THBS2: variants seen among roughly 807,000 people sequenced by gnomAD.
THBS2 encodes the protein thrombospondin-2.
A neutral mutation model predicts 135.2 loss-of-function variants in THBS2; 47 were observed. The observed-to-expected ratio is 0.35, with a 90% CI of 0.28 to 0.44. THBS2 has a LOEUF of 0.44. Among genes scored for constraint, THBS2 ranks in the 20% least tolerant of loss-of-function variants. The pLI is 1.00. For synonymous variants in THBS2, 639 were observed against 633.8 expected, an observed-to-expected ratio of 1.01 and a Z score of -0.12; for missense variants, 1,288 against 1,603.1, an observed-to-expected ratio of 0.80 and a Z score of 3.36.
At chr6:169,243,339 G>A (rs576602252) in intron 4 of THBS2, among the ~76,000 whole-genome samples, 5 of 152,338 alleles carry the variant, frequency 3.3e-5, no homozygotes, top group East Asian at 1.9e-4. Flanking sequence ...TCAGGTCAGC[G>A]GGGCCTGCGC....
intron 10 of THBS2, 148 bp from the exon 11 acceptor site, chr6:169,233,165 C>G: frequency 8.2e-7 from 1 of 1,219,792 alleles, no homozygotes; most frequent in Non-Finnish European, 1.1e-6. Flanking sequence ...GGATGATCAT[C>G]AAGAGGCATC....
intron 9 of THBS2, among the ~76,000 whole-genome samples, chr6:169,236,823 G>GTCCACACTCACTCCCCA: frequency 1.1e-5 from 1 of 91,860 alleles, no homozygotes; most frequent in East Asian, 3.9e-4. Flanking sequence ...CTCACTCCCC[G>GTCCACACTCACTCCCCA]TCCACACTCA....
chr6:169,230,440 A>G (rs1449958978), intron 13 of THBS2, among the ~76,000 whole-genome samples: 1 of 152,138 alleles, frequency 6.6e-6, no homozygotes, highest in East Asian at 1.9e-4. Context: ...TGGAGCCCAG[A>G]GTTTCAGCAC....
intron 17 of THBS2, 63 bp from the exon 18 acceptor site, chr6:169,223,538 G>A: frequency 1.4e-6 from 2 of 1,460,460 alleles, no homozygotes; most frequent in Non-Finnish European, 1.9e-6. Context: ...GTGGTCGGTG[G>A]TTTGCCATTT....
chr6:169,242,669 C>CTCCCACCT (rs1349575723), intron 4 of THBS2, among the ~76,000 whole-genome samples: 23 of 31,286 alleles, frequency 7.4e-4, no homozygotes, highest in Admixed American at 1.2e-3. Context: ...CTTCCCACCA[C>CTCCCACCT]TCCCACCTTC....
Position 169,242,718 on chromosome 6 carries a change from TTCCCAC to T in THBS2, c.695-766_695-761del. ...TTCCCACCTTCCCACCACTCCCACC[TTCCCAC>T]CTTCCCACCTTCCCACCGCTCCCAC... is the stretch of plus-strand genomic sequence containing the variant. On this transcript the variant is annotated intron_variant, in intron 4 of 21. Transcript: ENST00000617924. Among the ~76,000 whole-genome samples, 4 of 61,410 alleles carry T rather than the reference TTCCCAC, an allele frequency of 6.5e-5. No homozygotes were observed. In the Admixed American group the frequency reaches 7.4e-4, roughly 11 times the overall value. The allele number at this position is 61,410 out of a possible 152,430, so 40.3% of individuals were successfully genotyped here.
intron 17 of THBS2, 31 bp from the exon 18 acceptor site, chr6:169,223,506 C>CAAA: frequency 6.3e-7 from 1 of 1,599,008 alleles, no homozygotes; most frequent in Non-Finnish European, 8.6e-7. Context: ...AAAACAAAAA[C>CAAA]AAAAACAAAG....
intron 9 of THBS2, among the ~76,000 whole-genome samples, chr6:169,236,943 G>A (rs969345839): frequency 6.6e-6 from 1 of 152,254 alleles, no homozygotes; most frequent in African/African-American, 2.4e-5. Context: ...ATGAAACGGG[G>A]CTATCTCAGA....
In THBS2 at chr6:169,237,389, G is replaced by A. The variant is rs908791350; in HGVS notation, c.1301-43C>T. 8 of 1,609,452 alleles carry A rather than the reference G, an allele frequency of 5.0e-6. No homozygotes were observed. In the South Asian group the frequency reaches 8.8e-5, roughly 18 times the overall value. The stretch of plus-strand genomic sequence containing the variant: ...GAGAGATCAGGCTGTGCCGCCTAGA[G>A]GGGTATTTGCCTGTAAGCGGTGTGC... On this transcript the variant is annotated intron_variant, in intron 8 of 21. Coordinates refer to ENST00000617924, the MANE Select transcript of THBS2 (RefSeq NM_003247.5).
At chr6:169,227,317 G>A (rs1258611694) in intron 15 of THBS2, among the ~76,000 whole-genome samples, 2 of 152,168 alleles carry the variant, frequency 1.3e-5, no homozygotes, top group African/African-American at 4.8e-5. Flanking sequence ...GGCACCCCAA[G>A]AGAAGGGATG....
chr6:169,220,420 C>G, intron 20 of THBS2, 83 bp from the exon 21 acceptor site: 2 of 1,518,502 alleles, frequency 1.3e-6, no homozygotes, highest in Non-Finnish European at 1.8e-6. Context: ...GGAAGGTTGG[C>G]TCCGGACACA....
chr6:169,237,421 A>G, intron 8 of THBS2, 75 bp from the exon 9 acceptor site: 1 of 1,577,160 alleles, frequency 6.3e-7, no homozygotes. Flanking sequence ...GTGCCTTATT[A>G]ACCGAGGAGC....
chr6:169,248,295 A>T, intron 3 of THBS2, 122 bp downstream of exon 3: 1 of 1,142,734 alleles, frequency 8.8e-7, no homozygotes, highest in Non-Finnish European at 1.2e-6. Context: ...CGGGATGTGC[A>T]GTGTGCTTCT....
chr6:169,231,316 G>A (rs1310452559), intron 13 of THBS2, among the ~76,000 whole-genome samples: 2 of 152,220 alleles, frequency 1.3e-5, no homozygotes, highest in Non-Finnish European at 2.9e-5. Context: ...TCAGGGCCAT[G>A]CAGCCACCAG....
rs1780778710 is a variant in THBS2, at chr6:169,252,177, C to T, written c.-22-1371G>A. ...GCCTCTGGGTCTGGGGCGCTTTCTA[C>T]TCTAACTGCCCGAGGCAGCTGCAGT... is the stretch of plus-strand genomic sequence containing the variant. On this transcript the variant is annotated intron_variant, in intron 1 of 21. Transcript: ENST00000617924. This position sits in a 1 kb window ranked among gnomAD's most constrained non-coding sequence, Gnocchi z 4.3. The T allele has an allele frequency of 6.6e-6, 1 of 152,208 alleles. No homozygotes were observed. The highest frequency in any genetic ancestry group is 2.1e-4 in the South Asian group (1 of 4,828). 9.4% of individuals were successfully genotyped at this position (152,208 alleles called of 1,614,324 possible). A position where few individuals can be genotyped will look rare whatever the true frequency, so the allele number is the denominator to read the frequency against.
At chr6:169,236,555 TATCCACACTCACTTCCC>T (rs1279489991) in intron 9 of THBS2, among the ~76,000 whole-genome samples, 2 of 70,082 alleles carry the variant, frequency 2.9e-5, no homozygotes, top group African/African-American at 1.1e-4. Flanking sequence ...ACACTCACTC[TATCCACACTCACTTCCC>T]ATCCACACTC....
chr6:169,223,944 T>G (rs976989446), intron 17 of THBS2, among the ~76,000 whole-genome samples: 4 of 152,220 alleles, frequency 2.6e-5, no homozygotes, highest in Non-Finnish European at 5.9e-5. Context: ...AGACATGGAC[T>G]TCCGCTGTTT....
chr6:169,251,513 G>C (rs998545934), intron 1 of THBS2, among the ~76,000 whole-genome samples: 1 of 152,160 alleles, frequency 6.6e-6, no homozygotes, highest in African/African-American at 2.4e-5. Flanking sequence ...AAGCCCGGCT[G>C]GGCGATTAAC....
chr6:169,223,411 ATCATCAATATCT>A lies in THBS2; in HGVS notation c.2826_2837del (p.Asp943_Asp946del), dbSNP rs781575450. 6.2e-7 allele frequency: 1 copy of A among 1,614,188 alleles called. No individual in the cohort carries two copies. Among genetic ancestry groups the A allele is most frequent in the Non-Finnish European group, 8.5e-7 (1 of 1,180,042 alleles). On this transcript the variant is annotated inframe_deletion, in exon 18 of 22. Transcript: ENST00000617924. ...TGATGGCATTGTTTTCAGGACACAC[ATCATCAATATCT>A]GGGATGTTGTCATTGTCAAAATCAT...
Sources: gnomAD v4.1 joint callset for allele counts (sites outside exome capture counted in the v4.1 genomes callset) on GRCh38, gnomAD v4.1.1 for gene constraint, Gnocchi (gnomAD v3.1) non-coding constraint, MANE v1.5 for transcripts, NCBI Gene and HGNC (gene_info 2026-07-23, HGNC 2026-07-21) for gene names.